The following SEMA3A variants were observed in gnomAD, a reference collection of about 807,000 sequenced individuals.
The protein encoded by SEMA3A is semaphorin 3A.
SEMA3A carries 29 observed loss-of-function variants against 97.9 expected under a neutral mutation model. The observed-to-expected ratio is 0.30, with a 90% CI of 0.22 to 0.40. The LOEUF (loss-of-function observed/expected upper bound fraction) is 0.40, where lower values mean the gene tolerates loss of function less well. SEMA3A is among the 10% of genes least tolerant of loss of function. The probability of loss-of-function intolerance (pLI) is 1.00; values close to 1 mark genes in which losing one functional copy is unlikely to be tolerated. For synonymous variants in SEMA3A, 321 were observed against 323.7 expected (o/e 0.99, Z 0.09); for missense variants, 763 against 951.3 (o/e 0.80, Z 2.60).
intron 1 of SEMA3A, among the ~76,000 whole-genome samples, chr7:84,418,956 T>C (rs2214749): frequency 0.11 from 17,448 of 151,838 alleles, 1,883 homozygotes; most frequent in African/African-American, 0.27. Context: ...CATATATATA[T>C]ACACACACAC....
intron 1 of SEMA3A, among the ~76,000 whole-genome samples, chr7:84,477,875 T>A (rs1806338936): frequency 6.6e-6 from 1 of 152,192 alleles, no homozygotes; most frequent in African/African-American, 2.4e-5. Context: ...AAACACATGG[T>A]CAATGTTGGC....
At chr7:83,973,708 A>G (rs797804) in intron 15 of SEMA3A, among the ~76,000 whole-genome samples, 121,794 of 152,108 alleles carry the variant, frequency 0.8, 49,067 homozygotes, top group East Asian at 0.89. Flanking sequence ...ATGGACAGTT[A>G]TGGAGATAAT....
In SEMA3A at chr7:84,014,330, T is replaced by C. The variant is rs1030114742; in HGVS notation, c.689A>G (p.His230Arg). 4 of 1,610,676 alleles carry C rather than the reference T, an allele frequency of 2.5e-6. No individual in the cohort carries two copies. Among genetic ancestry groups the C allele is most frequent in the Non-Finnish European group, 3.4e-6 (4 of 1,177,818 alleles). Residue 230 changes from histidine to arginine, a missense_variant, in exon 7 of 17, where the codon CAC becomes CGC. Physicochemically the swap from His to Arg is conservative, Grantham distance 29. Coordinates refer to ENST00000265362, the MANE Select transcript of SEMA3A (RefSeq NM_006080.3). ...WLNDPKFISAHLISESDNPED... is the reference protein window; with the variant it reads ...WLNDPKFISARLISESDNPED... Reference sequence around the variant, plus strand: ...AGGATTGTCACTCTCTGAGATGAGGTGGGCACTAATGAACTTTGGATCTGA... The same window carrying C: ...AGGATTGTCACTCTCTGAGATGAGGCGGGCACTAATGAACTTTGGATCTGA...
chr7:84,384,537 G>C (rs1056386117), intron 1 of SEMA3A, among the ~76,000 whole-genome samples: 1 of 152,040 alleles, frequency 6.6e-6, no homozygotes, highest in Non-Finnish European at 1.5e-5. Context: ...ATACAACAAA[G>C]GTTTATTTCT....
rs769352490 is a variant in SEMA3A, at chr7:84,005,479, G to A, written c.1220C>T (p.Pro407Leu). The A allele has an allele frequency of 1.2e-6, 2 of 1,613,882 alleles. No individual in the cohort carries two copies. The highest frequency in any genetic ancestry group is 1.7e-6 in the Non-Finnish European group (2 of 1,179,894). ...DDVITFARSH[P>L]AMYNPVFPMN... ...AGGAAACACTGGATTGTACATGGCTGGATGACTTCTTGCAAAGGTTATAAC... is the reference window on the plus strand; with the variant it reads ...AGGAAACACTGGATTGTACATGGCTAGATGACTTCTTGCAAAGGTTATAAC... The change falls in exon 11 of 17, where the codon CCA (proline) becomes CTA (leucine). Residue 407 changes from proline (P) to leucine (L), a missense_variant. This residue lies in a region of SEMA3A where 678 missense variants were observed against 881.3 expected (regional missense o/e 0.77). Transcript: ENST00000265362.
Position 84,277,294 on chromosome 7 carries a change from T to C in SEMA3A, c.-83+29913A>G, listed in dbSNP as rs186456114. Among the ~76,000 whole-genome samples the C allele has an allele frequency of 9.9e-4, 150 of 152,204 alleles. 1 individual carries two copies. Among genetic ancestry groups the C allele is most frequent in the African/African-American group, 3.4e-3 (140 of 41,540 alleles). On this transcript the variant is annotated intron_variant, in intron 3 of 3. Transcript: ENST00000424555. ...TGGGAGTATTGGTATGAAATCATGG[T>C]TTAATATATAGATATAGATGTAATG...
intron 2 of SEMA3A, among the ~76,000 whole-genome samples, chr7:84,370,955 T>C (rs1474506922): frequency 6.6e-6 from 1 of 150,986 alleles, no homozygotes; most frequent in African/African-American, 2.4e-5. Flanking sequence ...GTATACCATA[T>C]AGAACATATA....
intron 3 of SEMA3A, among the ~76,000 whole-genome samples, chr7:84,223,859 C>T (rs767603261): frequency 6.6e-6 from 1 of 151,622 alleles, no homozygotes; most frequent in Non-Finnish European, 1.5e-5. Context: ...CAGGAGAAAA[C>T]CTTACGGCTT....
At chr7:83,980,623 A>AAAAAAAAAAAAAAAAAAAAAAAT (rs1310318006) in intron 14 of SEMA3A, among the ~76,000 whole-genome samples, 1 of 71,762 alleles carries the variant, frequency 1.4e-5, no homozygotes, top group African/African-American at 8.3e-5. Flanking sequence ...AAAAAAAAAA[A>AAAAAAAAAAAAAAAAAAAAAAAT]ATATATATAT....
chr7:84,126,699 A>G (rs1410675137), intron 3 of SEMA3A, among the ~76,000 whole-genome samples: 1 of 152,160 alleles, frequency 6.6e-6, no homozygotes, highest in African/African-American at 2.4e-5. Flanking sequence ...TTTGACGTTA[A>G]TAGATTTTTG....
At chr7:84,395,731 A>C (rs1803714983) in intron 1 of SEMA3A, among the ~76,000 whole-genome samples, 1 of 152,086 alleles carries the variant, frequency 6.6e-6, no homozygotes, top group South Asian at 2.1e-4. Flanking sequence ...TGCCCTTTGA[A>C]GAAGGTGCCT....
At position 84,234,634 on chromosome 7, in the gene SEMA3A, G is replaced by A. The variant is rs59914725; in HGVS notation, c.-82-39966C>T. The stretch of plus-strand genomic sequence containing the variant: ...GGGCGTCTTCAACTCCAAAGACCTC[G>A]ATTTTTATTTTACCCATATGTTTCT... On this transcript the variant is annotated intron_variant, in intron 3 of 3. Coordinates refer to the SEMA3A transcript ENST00000424555. Among the ~76,000 whole-genome samples, 535 of 151,958 alleles carry A rather than the reference G, an allele frequency of 3.5e-3. 1 individual carries two copies. The highest frequency in any genetic ancestry group is 0.012 in the African/African-American group (492 of 41,488).
intron 1 of SEMA3A, among the ~76,000 whole-genome samples, chr7:84,462,172 T>C (rs770644047): frequency 1.3e-5 from 2 of 152,132 alleles, no homozygotes; most frequent in Non-Finnish European, 2.9e-5. Context: ...CATTGACATG[T>C]TATTTATTGG....
Position 84,194,528 on chromosome 7 carries a change from G to T in SEMA3A, c.59C>A (p.Ala20Glu). 1 of 1,613,360 alleles carries T rather than the reference G, an allele frequency of 6.2e-7. No homozygotes were observed. Among genetic ancestry groups the T allele is most frequent in the Non-Finnish European group, 8.5e-7 (1 of 1,179,434 alleles). ...LFWGVLLTAR[A>E]NYQNGKNNVP... ...ATTGTTCTTCCCATTCTGATAGTTT[G>T]CTCTTGCTGTAAGTAATACTCCCCA... The change falls in exon 1 of 17, where the codon GCA becomes GAA. Residue 20 changes from alanine to glutamate, a missense_variant. Ala to Glu is a moderately radical substitution (Grantham distance 107). This residue lies in a region of SEMA3A where 85 missense variants were observed against 70.0 expected (regional missense o/e 1.21). Transcript: ENST00000265362.
intron 3 of SEMA3A, among the ~76,000 whole-genome samples, chr7:84,200,743 T>C (rs1798334256): frequency 6.6e-6 from 1 of 151,926 alleles, no homozygotes. Context: ...GCAGTGTTCC[T>C]GAATATTAAT....
intron 1 of SEMA3A, among the ~76,000 whole-genome samples, chr7:84,372,729 T>A (rs1803003226): frequency 6.6e-6 from 1 of 152,116 alleles, no homozygotes; most frequent in Non-Finnish European, 1.5e-5. Flanking sequence ...CGTGACCAAA[T>A]AATTAAAAAT....
intron 1 of SEMA3A, among the ~76,000 whole-genome samples, chr7:84,467,091 C>T (rs1009764913): frequency 1.3e-5 from 2 of 152,070 alleles, no homozygotes; most frequent in African/African-American, 4.8e-5. Context: ...TATCAGTATG[C>T]ATGGTCTGAT....
intron 4 of SEMA3A, among the ~76,000 whole-genome samples, chr7:84,080,511 C>A (rs13310704): frequency 0.42 from 63,858 of 150,942 alleles, 16,037 homozygotes; most frequent in African/African-American, 0.71. Context: ...TGAGTAGTTG[C>A]AATTTTGATT....
At chr7:83,992,685 A>G (rs892026426) in intron 12 of SEMA3A, among the ~76,000 whole-genome samples, 1 of 151,446 alleles carries the variant, frequency 6.6e-6, no homozygotes, top group Non-Finnish European at 1.5e-5. Context: ...TCTGAGAGAT[A>G]GTTTGTTATA....
Sources: gnomAD v4.1 joint callset for allele counts (sites outside exome capture counted in the v4.1 genomes callset) on GRCh38, gnomAD v4.1.1 for gene constraint, gnomAD v4.1.1 regional missense constraint, MANE v1.5 for transcripts, NCBI Gene and HGNC (gene_info 2026-07-23, HGNC 2026-07-21) for gene names.